DACH2: variants seen among roughly 807,000 people sequenced by gnomAD.
DACH2 encodes dachshund homolog 2.
DACH2 carries 17 observed loss-of-function variants against 35.8 expected under a neutral mutation model. That is an observed-to-expected ratio of 0.48 (90% CI 0.33 to 0.71). The LOEUF is 0.71. DACH2 is among the 30% of genes least tolerant of loss of function. The probability of loss-of-function intolerance (pLI) is 0.02; values close to 1 mark genes in which losing one functional copy is unlikely to be tolerated. For synonymous variants in DACH2, 195 were observed against 177.3 expected (o/e 1.10, Z -0.79); for missense variants, 469 against 472.7 (o/e 0.99, Z 0.07).
chrX:86,295,655 G>T (rs1213574244), intron 1 of DACH2, among the ~76,000 whole-genome samples: 2 of 110,939 alleles, frequency 1.8e-5, no homozygotes, highest in Admixed American at 1.9e-4. Flanking sequence ...TCCTTGGTCG[G>T]ACATCAGCTG....
chrX:86,550,464 C>G (rs2039033401), intron 3 of DACH2, among the ~76,000 whole-genome samples: 2 of 110,660 alleles, frequency 1.8e-5, no homozygotes, highest in Admixed American at 1.9e-4. Context: ...TATTCTGTTG[C>G]ATAATCGGTC....
chrX:86,485,148 A>G (rs1326372968), intron 2 of DACH2, among the ~76,000 whole-genome samples: 2 of 112,178 alleles, frequency 1.8e-5, no homozygotes, highest in African/African-American at 3.2e-5. Context: ...ATTAAAAATT[A>G]TAAAATTTAC....
At chrX:86,223,988 G>C (rs1310710892) in intron 1 of DACH2, among the ~76,000 whole-genome samples, 1 of 111,754 alleles carries the variant, frequency 8.9e-6, no homozygotes, top group Non-Finnish European at 1.9e-5. Context: ...TTATCAAAGA[G>C]GGTTCTCTTT....
intron 1 of DACH2, among the ~76,000 whole-genome samples, chrX:86,342,835 G>A (rs896450727): frequency 1.8e-5 from 2 of 110,282 alleles, no homozygotes; most frequent in African/African-American, 6.6e-5. Flanking sequence ...ATTAAAAAGA[G>A]ATTGCCACAG....
chrX:86,590,755 A>T (rs2039634141), intron 3 of DACH2, among the ~76,000 whole-genome samples: 2 of 111,908 alleles, frequency 1.8e-5, no homozygotes, highest in African/African-American at 3.2e-5. Flanking sequence ...GATTTTAGCC[A>T]TTCTAATAGG....
At chrX:86,471,802 G>A (rs1431393865) in intron 2 of DACH2, among the ~76,000 whole-genome samples, 1 of 111,204 alleles carries the variant, frequency 9.0e-6, no homozygotes, top group Non-Finnish European at 1.9e-5. Flanking sequence ...AAGTTCAAGA[G>A]CTCTATTGTA....
chrX:86,391,943 A>C (rs2036210246), intron 2 of DACH2, among the ~76,000 whole-genome samples: 1 of 111,214 alleles, frequency 9.0e-6, no homozygotes. Context: ...ACTAGACACT[A>C]ATAATTTATT....
intron 3 of DACH2, among the ~76,000 whole-genome samples, chrX:86,551,081 C>T (rs941110192): frequency 9.0e-6 from 1 of 111,708 alleles, no homozygotes; most frequent in Non-Finnish European, 1.9e-5. Flanking sequence ...CAAAATTAGG[C>T]CAACCACTGC....
intron 2 of DACH2, among the ~76,000 whole-genome samples, chrX:86,413,420 G>T (rs1482441765): frequency 8.9e-6 from 1 of 112,052 alleles, no homozygotes; most frequent in Admixed American, 9.5e-5. Flanking sequence ...GTCAGGAGAT[G>T]TGTTAACTTA....
chrX:86,653,552 G>T (rs2040503146), intron 4 of DACH2, among the ~76,000 whole-genome samples: 1 of 110,513 alleles, frequency 9.0e-6, no homozygotes, highest in African/African-American at 3.3e-5. Flanking sequence ...TCCTATTCAA[G>T]AACATGAAAT....
intron 3 of DACH2, among the ~76,000 whole-genome samples, chrX:86,519,786 T>A (rs146713152): frequency 0.049 from 5,433 of 111,105 alleles, 117 homozygotes; most frequent in Middle Eastern, 0.097. Flanking sequence ...TCTCCTCTCT[T>A]TTTTCCTTAT....
intron 1 of DACH2, among the ~76,000 whole-genome samples, chrX:86,368,151 A>T (rs2035832594): frequency 8.9e-6 from 1 of 112,161 alleles, no homozygotes; most frequent in Admixed American, 9.5e-5. Context: ...CATCTTATAA[A>T]TTGTTATAGT....
chrX:86,510,633 T>C (rs766251432), intron 2 of DACH2, among the ~76,000 whole-genome samples: 61 of 111,638 alleles, frequency 5.5e-4, no homozygotes, highest in African/African-American at 1.9e-3. Context: ...GTAATTTCCC[T>C]TTAAATAACC....
Position 86,376,826 on chromosome X carries a change from G to A in DACH2, c.491G>A (p.Arg164Lys). ...TLFTDCTNAR[R>K]KRQMTRKQAV... ...TTTCTGCTACACTCTCCTTTTAGAA[G>A]GAAGAGGCAAATGACAAGAAAACAA... Residue 164 changes from arginine (R) to lysine (K), a missense_variant and splice_region_variant, in exon 2 of 12, where the codon AGG becomes AAG. Coordinates refer to ENST00000373125, the MANE Select transcript of DACH2 (RefSeq NM_053281.3). 1 of 1,016,110 alleles carries A rather than the reference G, an allele frequency of 9.8e-7. No individual in the cohort carries two copies. The highest frequency in any genetic ancestry group is 2.0e-5 in the South Asian group (1 of 49,302). 83.7% of individuals were successfully genotyped at this position (1,016,110 alleles called of 1,213,427 possible). A position where few individuals can be genotyped will look rare whatever the true frequency, so the allele number is the denominator to read the frequency against.
intron 1 of DACH2, among the ~76,000 whole-genome samples, chrX:86,157,349 A>G (rs1266808544): frequency 8.9e-6 from 1 of 111,751 alleles, no homozygotes; most frequent in Non-Finnish European, 1.9e-5. Context: ...CATTTAGTCT[A>G]TCTGCTATTT....
At chrX:86,274,342 C>G (rs195033) in intron 1 of DACH2, among the ~76,000 whole-genome samples, 20,886 of 109,612 alleles carry the variant, frequency 0.19, 2,253 homozygotes, top group African/African-American at 0.38. Flanking sequence ...ACTGACCACT[C>G]AGGCTGAATA....
intron 1 of DACH2, among the ~76,000 whole-genome samples, chrX:86,258,064 C>T (rs2067843133): frequency 9.0e-6 from 1 of 111,680 alleles, no homozygotes; most frequent in Non-Finnish European, 1.9e-5. Context: ...GACAATCAGG[C>T]AAGAGAATGT....
At chrX:86,791,714 T>A (rs1257744055) in intron 7 of DACH2, among the ~76,000 whole-genome samples, 3 of 111,902 alleles carry the variant, frequency 2.7e-5, no homozygotes, top group African/African-American at 9.7e-5. Context: ...TTATTGAATG[T>A]CTACTGTGTA....
chrX:86,389,492 T>A (rs1265145152), intron 2 of DACH2, among the ~76,000 whole-genome samples: 1 of 112,341 alleles, frequency 8.9e-6, no homozygotes, highest in Non-Finnish European at 1.9e-5. Flanking sequence ...ACACTACAAA[T>A]GTGGGAGGAC....
Sources: gnomAD v4.1 joint callset for allele counts (sites outside exome capture counted in the v4.1 genomes callset) on GRCh38, gnomAD v4.1.1 for gene constraint, MANE v1.5 for transcripts, NCBI Gene and HGNC (gene_info 2026-07-23, HGNC 2026-07-21) for gene names.